Variants in ADGRL2 observed in about 807,000 individuals in gnomAD.
ADGRL2 encodes calcium-independent alpha-latrotoxin receptor 2.
In ADGRL2, 44 loss-of-function variants were observed where a neutral mutation model predicts 157.4. The observed-to-expected ratio is 0.28, with a 90% CI of 0.22 to 0.36. The LOEUF (loss-of-function observed/expected upper bound fraction) is 0.36. Among genes scored for constraint, ADGRL2 ranks in the 10% least tolerant of loss-of-function variants. The probability of loss-of-function intolerance (pLI) is 1.00; values close to 1 mark genes in which losing one functional copy is unlikely to be tolerated. For synonymous variants in ADGRL2, 585 were observed against 624.7 expected (o/e 0.94, Z 0.95); for missense variants, 1,510 against 1,768.9 (o/e 0.85, Z 2.63).
At chr1:81,528,529 CT>C (rs2079521578) in intron 2 of ADGRL2, among the ~76,000 whole-genome samples, 1 of 151,914 alleles carries the variant, frequency 6.6e-6, no homozygotes, top group Admixed American at 6.6e-5. Flanking sequence ...CGCCTGTAGT[CT>C]CAGCTACTCG....
At chr1:81,320,203 A>G (rs2100613500) in intron 1 of ADGRL2, among the ~76,000 whole-genome samples, 1 of 152,302 alleles carries the variant, frequency 6.6e-6, no homozygotes, top group African/African-American at 2.4e-5. Flanking sequence ...AGTCTGTAGC[A>G]ATTCAGTGAC....
chr1:81,880,380 G>A (rs1394881609), intron 2 of ADGRL2, among the ~76,000 whole-genome samples: 3 of 152,152 alleles, frequency 2.0e-5, no homozygotes, highest in African/African-American at 7.2e-5. Flanking sequence ...TTAACTGAGA[G>A]TTTTTCTTAG....
upstream of ADGRL2, among the ~76,000 whole-genome samples, chr1:81,695,597 A>C (rs1001703372): frequency 4.6e-5 from 7 of 152,100 alleles, no homozygotes; most frequent in Admixed American, 3.9e-4. Flanking sequence ...AGGTGGGTGG[A>C]TCACTTGAGG....
intron 2 of ADGRL2, among the ~76,000 whole-genome samples, chr1:81,548,960 G>C (rs1342450482): frequency 6.6e-6 from 1 of 152,220 alleles, no homozygotes; most frequent in Non-Finnish European, 1.5e-5. Flanking sequence ...AAAGCCAACA[G>C]ATTTCTGCCT....
At chr1:81,643,212 C>A (rs578017846) in intron 3 of ADGRL2, among the ~76,000 whole-genome samples, 3 of 152,132 alleles carry the variant, frequency 2.0e-5, no homozygotes, top group African/African-American at 7.2e-5. Flanking sequence ...AAAGACTTCC[C>A]GGGACTAATA....
rs1419564993 is a variant in ADGRL2 at position 81,969,289 on chromosome 1, C to G, written c.2635C>G (p.Leu879Val). 1 of 1,613,924 alleles carries G rather than the reference C, an allele frequency of 6.2e-7. No individual in the cohort carries two copies. Among genetic ancestry groups the G allele is most frequent in the East Asian group, 2.2e-5 (1 of 44,862 alleles). Residue 879 changes from leucine (L) to valine (V), a missense_variant, in exon 15 of 24, where the codon CTA becomes GTA. Coordinates refer to ENST00000686636, the MANE Select transcript of ADGRL2 (RefSeq NM_001366006.2). Reference protein sequence around the residue: ...CIFTFCFFRGLQSDRNTIHKN... With the variant: ...CIFTFCFFRGVQSDRNTIHKN... The stretch of plus-strand genomic sequence containing the variant: ...CTTCACCTTCTGCTTTTTCCGTGGC[C>G]TACAGAGTGACCGAAATACTATTCA...
At chr1:81,758,299 G>A (rs1306206503) in intron 1 of ADGRL2, among the ~76,000 whole-genome samples, 1 of 152,064 alleles carries the variant, frequency 6.6e-6, no homozygotes, top group Non-Finnish European at 1.5e-5. Flanking sequence ...CAGCATAAGT[G>A]TTGTCTGGCG....
chr1:81,618,236 C>T (rs940330198), intron 3 of ADGRL2, among the ~76,000 whole-genome samples: 13 of 152,104 alleles, frequency 8.5e-5, no homozygotes, highest in Admixed American at 5.2e-4. Context: ...CCTCCAGAAA[C>T]AAAGCTAAAT....
chr1:81,971,713 G>C (rs1168685945), intron 16 of ADGRL2, 139 bp from the exon 17 acceptor site: 1 of 517,970 alleles, frequency 1.9e-6, no homozygotes, highest in Non-Finnish European at 3.4e-6. Context: ...AATTATTAGA[G>C]GTCTTGCACA....
intron 1 of ADGRL2, among the ~76,000 whole-genome samples, chr1:81,830,042 C>T (rs709699): frequency 0.99 from 151,246 of 152,292 alleles, 75,118 homozygotes; most frequent in Middle Eastern, 1. Flanking sequence ...ATCACATTTA[C>T]TACCATTAAG....
chr1:81,495,382 G>T (rs1376223261), intron 2 of ADGRL2, among the ~76,000 whole-genome samples: 1 of 152,134 alleles, frequency 6.6e-6, no homozygotes, highest in Admixed American at 6.6e-5. Flanking sequence ...TAATAATGAT[G>T]ATTATTACAA....
In ADGRL2 at chr1:81,903,812, T is replaced by TACACAC. The variant is rs66880348; in HGVS notation, c.74-3175_74-3170dup. ...ATTATATATATATACACATTTTATA[T>TACACAC]ACACACACACACACACACACACACA... On this transcript the variant is annotated intron_variant, in intron 2 of 23. Coordinates refer to ENST00000686636, the MANE Select transcript of ADGRL2 (RefSeq NM_001366006.2). Among the ~76,000 whole-genome samples, 298 of 120,504 alleles carry TACACAC rather than the reference T, an allele frequency of 2.5e-3. 1 individual carries two copies. Among genetic ancestry groups the TACACAC allele is most frequent in the Middle Eastern group, 3.9e-3 (1 of 254 alleles). The allele number at this position is 120,504 out of a possible 152,430, so 79.1% of individuals were successfully genotyped here. A position where few individuals can be genotyped will look rare whatever the true frequency, so the allele number is the denominator to read the frequency against.
At chr1:81,367,259 G>A (rs1248119046) in intron 1 of ADGRL2, among the ~76,000 whole-genome samples, 1 of 152,184 alleles carries the variant, frequency 6.6e-6, no homozygotes, top group African/African-American at 2.4e-5. Flanking sequence ...AGAATGTGCA[G>A]GTTTGTTACA....
intron 3 of ADGRL2, among the ~76,000 whole-genome samples, chr1:81,587,248 A>T (rs1465234084): frequency 6.6e-6 from 1 of 152,136 alleles, no homozygotes; most frequent in African/African-American, 2.4e-5. Context: ...ATAAACAATA[A>T]CAAAGAATAT....
At chr1:81,438,029 C>T (rs1333011483) in intron 1 of ADGRL2, among the ~76,000 whole-genome samples, 1 of 116,084 alleles carries the variant, frequency 8.6e-6, no homozygotes, top group East Asian at 2.0e-4. Flanking sequence ...TTATTTTCAG[C>T]CTGTTTGGGG....
In ADGRL2 at chr1:81,424,478, C is replaced by T. The variant is rs143361171; in HGVS notation, c.-301-20558C>T. Among the ~76,000 whole-genome samples the T allele has an allele frequency of 5.7e-3, 863 of 152,308 alleles. 12 individuals are homozygous for T. Among genetic ancestry groups the T allele is most frequent in the East Asian group, 0.053 (276 of 5,188 alleles). ...AAAAGCCAATTGAGACTTCTTAGTG[C>T]CAGGAAGGTTTTTGTCTTGCGTGAA... On this transcript the variant is annotated intron_variant, in intron 1 of 24. Coordinates refer to the ADGRL2 transcript ENST00000370721.
intron 2 of ADGRL2, among the ~76,000 whole-genome samples, chr1:81,886,682 T>C (rs542471212): frequency 6.6e-6 from 1 of 152,206 alleles, no homozygotes; most frequent in Non-Finnish European, 1.5e-5. Flanking sequence ...TAATTAATAA[T>C]AAAATATGAT....
intron 1 of ADGRL2, among the ~76,000 whole-genome samples, chr1:81,755,393 G>A (rs1004207886): frequency 9.9e-4 from 150 of 151,822 alleles, no homozygotes; most frequent in African/African-American, 3.5e-3. Flanking sequence ...ATATGTGAGA[G>A]ATACATATAA....
At chr1:81,522,278 C>T (rs2079338367) in intron 2 of ADGRL2, among the ~76,000 whole-genome samples, 1 of 151,844 alleles carries the variant, frequency 6.6e-6, no homozygotes, top group African/African-American at 2.4e-5. Flanking sequence ...AATATACTTT[C>T]ATATATACTG....
Sources: allele counts gnomAD v4.1 joint callset (sites outside exome capture counted in the v4.1 genomes callset), GRCh38; gene constraint gnomAD v4.1.1; transcripts MANE v1.5; gene names NCBI Gene and HGNC (gene_info 2026-07-23, HGNC 2026-07-21).